Variants in BRI3BP observed in about 807,000 individuals in gnomAD.
BRI3BP encodes BRI3 binding protein.
Under a neutral mutation model 15.8 loss-of-function variants are expected in BRI3BP, and 7 were observed. That is an observed-to-expected ratio of 0.44 (90% CI 0.25 to 0.83). The LOEUF (loss-of-function observed/expected upper bound fraction) is 0.83. Among genes scored for constraint, BRI3BP ranks in the 40% least tolerant of loss-of-function variants. The probability of loss-of-function intolerance (pLI) is 0.20; values close to 1 mark genes in which losing one functional copy is unlikely to be tolerated. For synonymous variants in BRI3BP, 192 were observed against 163.5 expected, an observed-to-expected ratio of 1.17 and a Z score of -1.33; for missense variants, 320 against 339.3, an observed-to-expected ratio of 0.94 and a Z score of 0.45.
At chr12:125,024,258 ACCC>A (rs67780786) in intron 2 of BRI3BP, among the ~76,000 whole-genome samples, 113 of 135,058 alleles carry the variant, frequency 8.4e-4, no homozygotes, top group Non-Finnish European at 1.3e-3. Context: ...ATCTCATGAA[ACCC>A]CCCCCCCTCC....
At chr12:124,998,590 G>C (rs1186048078) in intron 1 of BRI3BP, among the ~76,000 whole-genome samples, 1 of 152,114 alleles carries the variant, frequency 6.6e-6, no homozygotes, top group Non-Finnish European at 1.5e-5. Flanking sequence ...CAGATGGGTG[G>C]TTGCCAGGGG....
intron 1 of BRI3BP, among the ~76,000 whole-genome samples, chr12:125,010,087 G>A (rs1273518099): frequency 2.0e-5 from 3 of 147,504 alleles, no homozygotes; most frequent in Non-Finnish European, 4.5e-5. Context: ...GGGTGACAGA[G>A]TGAGACCCTG....
intron 1 of BRI3BP, among the ~76,000 whole-genome samples, chr12:125,006,665 G>C (rs1955146980): frequency 1.3e-5 from 2 of 152,220 alleles, no homozygotes; most frequent in Admixed American, 1.3e-4. Flanking sequence ...GCCGTGTGCT[G>C]GGCGCCACGC....
At chr12:125,003,954 AAAACAC>A (rs1432252648) in intron 1 of BRI3BP, among the ~76,000 whole-genome samples, 1,223 of 95,076 alleles carry the variant, frequency 0.013, 17 homozygotes, top group African/African-American at 0.04. Flanking sequence ...CTCCATCTCA[AAAACAC>A]ACACACACAC....
chr12:125,024,957 G>A (rs1955336587), intron 2 of BRI3BP, 34 bp from the exon 3 acceptor site: 1 of 1,565,952 alleles, frequency 6.4e-7, no homozygotes, highest in East Asian at 2.2e-5. Flanking sequence ...TGGCCCCTGC[G>A]TAACGAGCCC....
chr12:125,033,739 G>GT (rs530776012), downstream of BRI3BP, among the ~76,000 whole-genome samples: 1,870 of 132,934 alleles, frequency 0.014, 14 homozygotes, highest in Middle Eastern at 0.029. Context: ...TGTTTTTCTG[G>GT]TTTTTTTTTG....
chr12:125,031,574 A>ATTTTTTTTTTTTTT (rs367625363), downstream of BRI3BP, among the ~76,000 whole-genome samples: 1 of 84,244 alleles, frequency 1.2e-5, no homozygotes, highest in Non-Finnish European at 2.3e-5. Flanking sequence ...TTTTCTTTCT[A>ATTTTTTTTTTTTTT]TTTTTTTTTT....
intron 1 of BRI3BP, among the ~76,000 whole-genome samples, chr12:124,994,813 G>A (rs1344652566): frequency 6.6e-6 from 1 of 152,196 alleles, no homozygotes; most frequent in Non-Finnish European, 1.5e-5. Context: ...TGGGGAGGAG[G>A]GGGCTCTTGC....
the BRI3BP span, among the ~76,000 whole-genome samples, chr12:125,050,136 A>T: frequency 6.6e-6 from 1 of 152,130 alleles, no homozygotes; most frequent in Non-Finnish European, 1.5e-5. Flanking sequence ...GCGGATCACG[A>T]GGTCACGAGA....
In BRI3BP at chr12:124,993,847, G is replaced by C; in HGVS notation, c.57G>C (p.Leu19=). ...PLARAGLLLL[L]LLLLLLGLLA... ...CCCGGGCCGGGCTCCTGCTGCTGCT[G>C]CTGCTGCTGCTGCTGCTCGGGCTGC... is the stretch of plus-strand genomic sequence containing the variant. Residue 19 remains leucine, a synonymous_variant, in exon 1 of 3, where the codon CTG becomes CTC. Coordinates refer to ENST00000341446, the MANE Select transcript of BRI3BP (RefSeq NM_080626.6). The C allele has an allele frequency of 8.3e-7, 1 of 1,198,290 alleles. No individual in the cohort carries two copies. Among genetic ancestry groups the C allele is most frequent in the Non-Finnish European group, 1.0e-6 (1 of 962,830 alleles). 74.2% of individuals were successfully genotyped at this position (1,198,290 alleles called of 1,614,324 possible).
chr12:125,050,589 C>T, the BRI3BP span, among the ~76,000 whole-genome samples: 2 of 152,214 alleles, frequency 1.3e-5, no homozygotes, highest in Non-Finnish European at 2.9e-5. Flanking sequence ...CTGCTCTGTG[C>T]CCTGCCTCGT....
rs1263925215 is a variant in BRI3BP at position 125,016,385 on chromosome 12, G to C, written c.316+3749G>C. On this transcript the variant is annotated intron_variant, in intron 2 of 2. Transcript: ENST00000341446. ...TTTTTTTTTTGAGTCTGGTTAAAAT[G>C]GGAACTCTGTAGCCCCGAATGGTCT... 3.4e-5 allele frequency among the ~76,000 whole-genome samples: 5 copies of C among 145,752 alleles called. No individual in the cohort carries two copies. The East Asian group carries it at 8.1e-4, about 24-fold the overall frequency.
At chr12:125,018,497 G>C (rs1035517248) in intron 2 of BRI3BP, among the ~76,000 whole-genome samples, 2 of 152,080 alleles carry the variant, frequency 1.3e-5, no homozygotes, top group East Asian at 3.9e-4. Flanking sequence ...CGTGAAGGCA[G>C]AGTAAGAGAG....
In BRI3BP at chr12:125,025,722, C is replaced by A; in HGVS notation, c.*292C>A. ...GTACAGTAAGAGAAATTTATCTGTG[C>A]ATAGAGCATAAAGTTAATTTTTTCA... is the stretch of plus-strand genomic sequence containing the variant. On this transcript the variant is annotated 3_prime_UTR_variant, in exon 3 of 3. Transcript: ENST00000341446. The A allele has an allele frequency of 2.5e-5, 7 of 282,370 alleles. No individual in the cohort carries two copies. Among genetic ancestry groups the A allele is most frequent in the East Asian group, 6.2e-5 (1 of 16,016 alleles). The allele number at this position is 282,370 out of a possible 1,614,324, so 17.5% of individuals were successfully genotyped here. A position where few individuals can be genotyped will look rare whatever the true frequency, so the allele number is the denominator to read the frequency against.
chr12:125,014,420 G>C (rs1955223599), intron 2 of BRI3BP, among the ~76,000 whole-genome samples: 1 of 152,164 alleles, frequency 6.6e-6, no homozygotes. Flanking sequence ...GCATATAGTT[G>C]TCCTCACAGC....
chr12:125,001,047 A>AT (rs781154056), intron 1 of BRI3BP, among the ~76,000 whole-genome samples: 1 of 151,206 alleles, frequency 6.6e-6, no homozygotes, highest in East Asian at 1.9e-4. Context: ...TTAATTATGA[A>AT]TTTTTTTTTA....
At chr12:125,041,300 C>G in the BRI3BP span, among the ~76,000 whole-genome samples, 13 of 152,104 alleles carry the variant, frequency 8.5e-5, no homozygotes, top group Non-Finnish European at 1.9e-4. Flanking sequence ...TCGTGATCCA[C>G]CTGCCTCGGC....
chr12:125,016,822 A>G (rs1437975274), intron 2 of BRI3BP, among the ~76,000 whole-genome samples: 3 of 82,038 alleles, frequency 3.7e-5, no homozygotes, highest in Non-Finnish European at 7.3e-5. Flanking sequence ...CACTGCGCCC[A>G]GCCTTTTTTT....
the BRI3BP span, among the ~76,000 whole-genome samples, chr12:125,049,214 G>A: frequency 1.3e-5 from 2 of 152,000 alleles, no homozygotes; most frequent in African/African-American, 2.4e-5. Flanking sequence ...CCACCGCGCC[G>A]GGCCAAGAGA....
Sources: gnomAD v4.1 joint callset for allele counts (sites outside exome capture counted in the v4.1 genomes callset) on GRCh38, gnomAD v4.1.1 for gene constraint, MANE v1.5 for transcripts, NCBI Gene and HGNC (gene_info 2026-07-23, HGNC 2026-07-21) for gene names.